The following PCDHA5 variants were observed in gnomAD, a reference collection of about 807,000 sequenced individuals.
PCDHA5 encodes protocadherin alpha-5.
A neutral mutation model predicts 61.6 loss-of-function variants in PCDHA5; 43 were observed. That is an observed-to-expected ratio of 0.70 (90% CI 0.55 to 0.90). The LOEUF is 0.90. Ranked by LOEUF, PCDHA5 falls within the 40% of genes least tolerant of loss-of-function variation. PCDHA5 has a pLI of 0.00. For synonymous variants in PCDHA5, 627 were observed against 543.9 expected (o/e 1.15, Z -2.13); for missense variants, 1,298 against 1,222.7 (o/e 1.06, Z -0.92).
At chr5:140,876,323 T>C (rs1554168484) in intron 1 of PCDHA5, 1 of 1,614,000 alleles carries the variant, frequency 6.2e-7, no homozygotes, top group Middle Eastern at 1.6e-4. Context: ...ATCAAAATGA[T>C]TTTGCCAGTG....
At chr5:141,003,543 C>T (rs2098129407) in intron 3 of PCDHA5, among the ~76,000 whole-genome samples, 1 of 152,108 alleles carries the variant, frequency 6.6e-6, no homozygotes, top group Non-Finnish European at 1.5e-5. Context: ...GAACTCCTGG[C>T]TTCAAGTGAT....
chr5:141,003,167 C>T (rs1160809977), intron 3 of PCDHA5, among the ~76,000 whole-genome samples: 1 of 152,180 alleles, frequency 6.6e-6, no homozygotes, highest in Non-Finnish European at 1.5e-5. Context: ...AATCCTAGTC[C>T]CTGAGGCTCA....
At chr5:140,970,948 C>T (rs1339410112) in intron 1 of PCDHA5, among the ~76,000 whole-genome samples, 1 of 152,114 alleles carries the variant, frequency 6.6e-6, no homozygotes, top group Non-Finnish European at 1.5e-5. Context: ...TGCTGAGAAA[C>T]CATGGGAGGC....
intron 3 of PCDHA5, among the ~76,000 whole-genome samples, chr5:141,000,900 G>A (rs1020896392): frequency 6.6e-6 from 1 of 151,614 alleles, no homozygotes; most frequent in African/African-American, 2.4e-5. Flanking sequence ...AGATATAGAC[G>A]CTGTCTCTAA....
chr5:140,898,733 A>C (rs1401773719), intron 1 of PCDHA5, among the ~76,000 whole-genome samples: 1 of 152,154 alleles, frequency 6.6e-6, no homozygotes, highest in Non-Finnish European at 1.5e-5. Flanking sequence ...GAAGAAAGTC[A>C]TTGGTAGCTT....
At chr5:140,994,197 G>A (rs1449482897) in intron 3 of PCDHA5, among the ~76,000 whole-genome samples, 1 of 152,196 alleles carries the variant, frequency 6.6e-6, no homozygotes. Context: ...GGGCCTGTTG[G>A]TCCAGAATGG....
intron 1 of PCDHA5, chr5:140,927,277 GTGCAGC>G: frequency 6.2e-7 from 1 of 1,614,016 alleles, no homozygotes; most frequent in Non-Finnish European, 8.5e-7. Flanking sequence ...TGCCGGCGAC[GTGCAGC>G]TGCACATCCC....
At chr5:140,835,791 C>T in intron 1 of PCDHA5, 1 of 1,613,176 alleles carries the variant, frequency 6.2e-7, no homozygotes, top group Non-Finnish European at 8.5e-7. Flanking sequence ...GAACAACCCG[C>T]CGGGCTGCCA....
Position 140,856,323 on chromosome 5 carries a change from A to T in PCDHA5, c.2352+32196A>T, listed in dbSNP as rs781846770. ...TTTGTGAATTCTCGGATTGACCGCG[A>T]GGAGCTGTGCGGGCGGAGCGTGGAG... On this transcript the variant is annotated intron_variant, in intron 1 of 3. Transcript: ENST00000529859. The T allele has an allele frequency of 3.1e-6, 5 of 1,598,532 alleles. No individual in the cohort carries two copies. The East Asian group carries it at 1.1e-4, about 36-fold the overall frequency.
intron 1 of PCDHA5, chr5:140,863,320 CT>C: frequency 6.9e-7 from 1 of 1,445,292 alleles, no homozygotes; most frequent in South Asian, 1.1e-5. Flanking sequence ...GGTGTCCAGC[CT>C]GTTAGTGCTC....
chr5:140,890,515 T>C (rs996565867), intron 1 of PCDHA5, among the ~76,000 whole-genome samples: 2 of 152,198 alleles, frequency 1.3e-5, no homozygotes, highest in African/African-American at 4.8e-5. Context: ...CTCTATTTCC[T>C]TCCTTTGTTG....
chr5:140,986,198 C>T (rs782730684), intron 3 of PCDHA5, among the ~76,000 whole-genome samples: 1 of 152,200 alleles, frequency 6.6e-6, no homozygotes, highest in African/African-American at 2.4e-5. Flanking sequence ...ATTGGTTAAT[C>T]CTGATTACTG....
chr5:140,989,139 C>G (rs1308771993), intron 3 of PCDHA5, among the ~76,000 whole-genome samples: 1 of 152,136 alleles, frequency 6.6e-6, no homozygotes, highest in African/African-American at 2.4e-5. Context: ...ACACTTTATC[C>G]CTTCTTTTGT....
chr5:140,907,111 C>T (rs1465808747), intron 1 of PCDHA5, among the ~76,000 whole-genome samples: 1 of 152,130 alleles, frequency 6.6e-6, no homozygotes, highest in African/African-American at 2.4e-5. Flanking sequence ...ACTTCCACCC[C>T]TTGATTCCTG....
At chr5:140,843,985 C>T (rs1171962814) in intron 1 of PCDHA5, among the ~76,000 whole-genome samples, 4 of 149,436 alleles carry the variant, frequency 2.7e-5, no homozygotes, top group Non-Finnish European at 6.0e-5. Context: ...TGCCTTACAG[C>T]CGTCTTCTCT....
At chr5:140,924,312 T>G (rs752006188) in intron 1 of PCDHA5, among the ~76,000 whole-genome samples, 84 of 152,338 alleles carry the variant, frequency 5.5e-4, no homozygotes, top group Non-Finnish European at 7.9e-4. Context: ...TCCTTTAATT[T>G]TATCTGAGAC....
At chr5:140,891,100 G>T (rs544877951) in intron 1 of PCDHA5, among the ~76,000 whole-genome samples, 1 of 152,206 alleles carries the variant, frequency 6.6e-6, no homozygotes, top group East Asian at 1.9e-4. Context: ...TTGCTGTCAA[G>T]AATTTAGCTG....
Position 140,821,719 on chromosome 5 carries a change from T to C in PCDHA5, c.-57T>C. On this transcript the variant is annotated 5_prime_UTR_variant, in exon 1 of 4. Transcript: ENST00000529859. Reference sequence around the variant, plus strand: ...TATATAGTTAATTGGGAATTGAATTTACAAAATACATTGTGTGGTGATGCA... The same window carrying C: ...TATATAGTTAATTGGGAATTGAATTCACAAAATACATTGTGTGGTGATGCA... The C allele has an allele frequency of 6.7e-7, 1 of 1,495,910 alleles. No individual in the cohort carries two copies. Among genetic ancestry groups the C allele is most frequent in the Non-Finnish European group, 9.0e-7 (1 of 1,111,462 alleles). The allele number at this position is 1,495,910 out of a possible 1,614,324, so 92.7% of individuals were successfully genotyped here.
chr5:140,854,159 C>CAAAA (rs59855104), intron 1 of PCDHA5: 33,814 of 339,152 alleles, frequency 0.1, 739 homozygotes, highest in Middle Eastern at 0.12. Flanking sequence ...GATTCTGTCT[C>CAAAA]AAAAAAAAAA....
Sources: allele counts gnomAD v4.1 joint callset (sites outside exome capture counted in the v4.1 genomes callset), GRCh38; gene constraint gnomAD v4.1.1; transcripts MANE v1.5; gene names NCBI Gene and HGNC (gene_info 2026-07-23, HGNC 2026-07-21).